Variants in ADCY5 observed in about 807,000 individuals in gnomAD.
The protein encoded by ADCY5 is adenylate cyclase type 5.
Under a neutral mutation model 119.7 loss-of-function variants are expected in ADCY5, and 30 were observed. The observed-to-expected ratio is 0.25, with a 90% CI of 0.19 to 0.34. The LOEUF (loss-of-function observed/expected upper bound fraction) is 0.34, where lower values mean the gene tolerates loss of function less well. ADCY5 is among the 10% of genes least tolerant of loss of function. The pLI, the probability that ADCY5 is intolerant of heterozygous loss-of-function variation, is 1.00. For missense variants in ADCY5, 1,324 were observed against 1,775.2 expected (o/e 0.75, Z 4.57); for synonymous variants, 753 against 762.2 (o/e 0.99, Z 0.20).
chr3:123,441,915 T>TTTTC (rs1259887796), intron 1 of ADCY5, among the ~76,000 whole-genome samples: 1 of 151,810 alleles, frequency 6.6e-6, no homozygotes, highest in Admixed American at 6.6e-5. Flanking sequence ...AACCCCCAGA[T>TTTTC]TTTCTTCACA....
intron 1 of ADCY5, among the ~76,000 whole-genome samples, chr3:123,403,103 G>C (rs2107611833): frequency 6.6e-6 from 1 of 152,266 alleles, no homozygotes; most frequent in East Asian, 1.9e-4. Context: ...AGATTGGCCA[G>C]ACACGGTGGC....
chr3:123,416,079 C>G (rs560703953), intron 1 of ADCY5: 31 of 1,307,612 alleles, frequency 2.4e-5, no homozygotes, highest in Non-Finnish European at 3.3e-5. Context: ...GGTTACAGTA[C>G]AGGCCCCAGG....
chr3:123,349,807 A>G (rs1039963626), intron 2 of ADCY5, among the ~76,000 whole-genome samples: 6 of 152,142 alleles, frequency 3.9e-5, no homozygotes, highest in Non-Finnish European at 1.5e-5. Context: ...TGACCAGGGT[A>G]CCCTCCAGAT....
In ADCY5 at chr3:123,283,769, A is replaced by G. The variant is rs1023871163; in HGVS notation, c.*839T>C. 1 of 151,534 alleles carries G rather than the reference A, an allele frequency of 6.6e-6. No individual in the cohort carries two copies. Among genetic ancestry groups the G allele is most frequent in the African/African-American group, 2.5e-5 (1 of 40,816 alleles). The allele number at this position is 151,534 out of a possible 1,614,324, so 9.4% of individuals were successfully genotyped here. ...TTCTAATATAGAGAATTTACAAAAT[A>G]TAGAATTTGGCATATCTATCTGTGA... On this transcript the variant is annotated 3_prime_UTR_variant, in exon 21 of 21. Coordinates refer to ENST00000462833, the MANE Select transcript of ADCY5 (RefSeq NM_183357.3).
At chr3:123,385,284 G>GACACAC (rs146450872) in intron 1 of ADCY5, among the ~76,000 whole-genome samples, 10,613 of 142,044 alleles carry the variant, frequency 0.075, 621 homozygotes, top group East Asian at 0.37. Flanking sequence ...GTCCACTGCA[G>GACACAC]ACACACACGC....
chr3:123,361,895 AT>A (rs1175146615), intron 1 of ADCY5, among the ~76,000 whole-genome samples: 4 of 152,182 alleles, frequency 2.6e-5, no homozygotes, highest in Non-Finnish European at 5.9e-5. Context: ...TATGTGTGGA[AT>A]TTTCCACTGT....
intron 8 of ADCY5, among the ~76,000 whole-genome samples, chr3:123,324,375 C>T (rs1288072278): frequency 6.8e-6 from 1 of 146,436 alleles, no homozygotes; most frequent in Non-Finnish European, 1.5e-5. Context: ...TGCAACATGC[C>T]CCTCCTTCAC....
At chr3:123,356,490 G>A (rs1002606309) in intron 1 of ADCY5, among the ~76,000 whole-genome samples, 12 of 151,866 alleles carry the variant, frequency 7.9e-5, no homozygotes, top group African/African-American at 2.2e-4. Flanking sequence ...ATGGCAATGA[G>A]TAAAAAAAAG....
intron 1 of ADCY5, among the ~76,000 whole-genome samples, chr3:123,378,582 G>A (rs1468465209): frequency 1.3e-5 from 2 of 152,140 alleles, no homozygotes; most frequent in East Asian, 1.9e-4. Context: ...CTCACTCCTC[G>A]GGCTCCAGAT....
Position 123,393,796 on chromosome 3 carries a change from C to A in ADCY5, c.1135-41215G>T, listed in dbSNP as rs147943307. On this transcript the variant is annotated intron_variant, in intron 1 of 20. Coordinates refer to ENST00000462833, the MANE Select transcript of ADCY5 (RefSeq NM_183357.3). ...GCTGGCTTCCCCTCCCTCCCTCCCG[C>A]CCCGGCTGCTGAGGACCCTTCAGGA... Among the ~76,000 whole-genome samples, 521 of 151,758 alleles carry A rather than the reference C, an allele frequency of 3.4e-3. 1 individual carries two copies. Among genetic ancestry groups the A allele is most frequent in the Middle Eastern group, 0.014 (4 of 294 alleles).
At chr3:123,303,893 G>GAGAAGAGAAGAA (rs1940028875) in intron 13 of ADCY5, among the ~76,000 whole-genome samples, 174 bp downstream of exon 13, 2 of 117,186 alleles carry the variant, frequency 1.7e-5, no homozygotes, top group African/African-American at 3.4e-5. Flanking sequence ...GAAGAGAAGA[G>GAGAAGAGAAGAA]AAGAAAGAAC....
chr3:123,347,153 C>T (rs375898624), intron 3 of ADCY5, among the ~76,000 whole-genome samples: 7 of 152,084 alleles, frequency 4.6e-5, no homozygotes. Context: ...TTAAAGAGTA[C>T]ACAATGTAGA....
intron 8 of ADCY5, among the ~76,000 whole-genome samples, chr3:123,321,344 T>C (rs1289823140): frequency 6.6e-6 from 1 of 152,142 alleles, no homozygotes; most frequent in Non-Finnish European, 1.5e-5. Context: ...CCACGGTTGT[T>C]TGGGGACTCA....
chr3:123,299,444 G>A (rs1377711535), intron 15 of ADCY5, among the ~76,000 whole-genome samples: 1 of 152,218 alleles, frequency 6.6e-6, no homozygotes, highest in African/African-American at 2.4e-5. Context: ...ATGTGTCTGA[G>A]GCTGAGATTC....
intron 11 of ADCY5, among the ~76,000 whole-genome samples, chr3:123,316,756 ATAG>A (rs1940931239): frequency 6.6e-6 from 1 of 152,188 alleles, no homozygotes; most frequent in Non-Finnish European, 1.5e-5. Context: ...GTAGTAGATG[ATAG>A]TAGGGATTTG....
rs77853756 is a variant in ADCY5, at chr3:123,290,065, G to A, written c.3328-111C>T. On this transcript the variant is annotated intron_variant, in intron 18 of 20. Coordinates refer to ENST00000462833, the MANE Select transcript of ADCY5 (RefSeq NM_183357.3). ...CAGCAGCATGGCCCTTCATGTGTCC[G>A]CTCTTCACACAGTGGGGCCTGTCTC... 6.5e-3 allele frequency: 6,918 copies of A among 1,061,046 alleles called. 330 individuals are homozygous for A. In the African/African-American group the frequency reaches 0.095, roughly 15 times the overall value. 65.7% of individuals were successfully genotyped at this position (1,061,046 alleles called of 1,614,324 possible).
At chr3:123,438,905 C>T (rs1945671855) in intron 1 of ADCY5, among the ~76,000 whole-genome samples, 1 of 151,714 alleles carries the variant, frequency 6.6e-6, no homozygotes. Context: ...TTCCACCACA[C>T]CTGATTAACC....
chr3:123,327,677 C>T lies in ADCY5; in HGVS notation c.1888G>A (p.Ala630Thr), dbSNP rs200831250. The T allele has an allele frequency of 9.3e-6, 15 of 1,614,110 alleles. No homozygotes were observed. Among genetic ancestry groups the T allele is most frequent in the East Asian group, 8.9e-5 (4 of 44,874 alleles). The part of the protein sequence containing the change: ...VEPGCGGERN[A>T]YLKEHSIETF... ...TCGATACTGTGCTCCTTGAGGTAGG[C>T]GTTGCGCTCGCCCCCACAGCCTGGC... The change falls in exon 7 of 21, where the codon GCC becomes ACC. Residue 630 changes from alanine (A) to threonine (T), a missense_variant. Around this residue, in one of 6 missense-constraint regions of ADCY5, gnomAD observed 424 missense variants for 546.8 expected, o/e 0.78. Coordinates refer to ENST00000462833, the MANE Select transcript of ADCY5 (RefSeq NM_183357.3).
intron 3 of ADCY5, among the ~76,000 whole-genome samples, chr3:123,344,228 C>T (rs1942420796): frequency 6.6e-6 from 1 of 152,190 alleles, no homozygotes; most frequent in Non-Finnish European, 1.5e-5. Flanking sequence ...TGTGGCCTTG[C>T]TCTCAGTGGG....
Sources: allele counts gnomAD v4.1 joint callset (sites outside exome capture counted in the v4.1 genomes callset), GRCh38; gene constraint gnomAD v4.1.1; regional missense constraint gnomAD v4.1.1; transcripts MANE v1.5; gene names NCBI Gene and HGNC (gene_info 2026-07-23, HGNC 2026-07-21).